Variants in GPR39 observed in about 807,000 individuals in gnomAD.
GPR39 encodes the protein G protein-coupled receptor 39.
In GPR39, 23 loss-of-function variants were observed where a neutral mutation model predicts 18.4. The ratio of observed to expected loss-of-function variants is 1.25; its 90% CI spans 0.90 to 1.77. GPR39 has a LOEUF of 1.77. GPR39 is among the 40% of genes most tolerant of loss of function. The pLI is 0.00. For synonymous variants in GPR39, 280 were observed against 257.9 expected, an observed-to-expected ratio of 1.09 and a Z score of -0.82; for missense variants, 647 against 602.4, an observed-to-expected ratio of 1.07 and a Z score of -0.78.
At chr2:132,490,355 C>CT (rs901950072) in intron 1 of GPR39, among the ~76,000 whole-genome samples, 1 of 151,896 alleles carries the variant, frequency 6.6e-6, no homozygotes, top group African/African-American at 2.4e-5. Flanking sequence ...ATCCAGTTTT[C>CT]TTTTTTTCAG....
At chr2:132,524,856 C>T (rs898207103) in intron 1 of GPR39, among the ~76,000 whole-genome samples, 2 of 152,164 alleles carry the variant, frequency 1.3e-5, no homozygotes, top group Non-Finnish European at 2.9e-5. Flanking sequence ...TTATTATTTT[C>T]TAGTGAAGTT....
chr2:132,484,206 A>G (rs990160133), intron 1 of GPR39, among the ~76,000 whole-genome samples: 1 of 152,220 alleles, frequency 6.6e-6, no homozygotes, highest in African/African-American at 2.4e-5. Flanking sequence ...CCAGTGTTCT[A>G]ATGAGCATGC....
At chr2:132,618,995 T>C (rs991361744) in intron 1 of GPR39, among the ~76,000 whole-genome samples, 2 of 152,122 alleles carry the variant, frequency 1.3e-5, no homozygotes, top group South Asian at 2.1e-4. Context: ...GCAGGCCTGG[T>C]AACCCCGAGG....
chr2:132,523,116 G>A (rs974781318), intron 1 of GPR39, among the ~76,000 whole-genome samples: 1 of 152,210 alleles, frequency 6.6e-6, no homozygotes, highest in African/African-American at 2.4e-5. Flanking sequence ...GGTGCTGGAG[G>A]CAGCCTGCCA....
intron 1 of GPR39, among the ~76,000 whole-genome samples, chr2:132,565,134 T>C (rs531185374): frequency 2.0e-5 from 3 of 152,242 alleles, no homozygotes; most frequent in African/African-American, 7.2e-5. Context: ...TAACTATTGA[T>C]GCCATAATTG....
At chr2:132,590,004 C>T (rs1680800052) in intron 1 of GPR39, among the ~76,000 whole-genome samples, 1 of 152,180 alleles carries the variant, frequency 6.6e-6, no homozygotes, top group African/African-American at 2.4e-5. Context: ...TTCATTTGAA[C>T]AAAAACATGC....
At chr2:132,574,681 G>T (rs1245875972) in intron 1 of GPR39, among the ~76,000 whole-genome samples, 2 of 152,198 alleles carry the variant, frequency 1.3e-5, no homozygotes, top group Admixed American at 1.3e-4. Context: ...GTTGCAGCGA[G>T]CCAAGATCTT....
At chr2:132,517,076 T>A (rs1046812906) in intron 1 of GPR39, among the ~76,000 whole-genome samples, 2 of 152,072 alleles carry the variant, frequency 1.3e-5, no homozygotes, top group African/African-American at 4.8e-5. Flanking sequence ...AAGCGGACAC[T>A]CTTCAGGTTT....
intron 1 of GPR39, among the ~76,000 whole-genome samples, chr2:132,424,018 T>A (rs1680067560): frequency 1.3e-5 from 2 of 152,180 alleles, no homozygotes; most frequent in Admixed American, 1.3e-4. Flanking sequence ...ATGCTATCTT[T>A]GAAAGGGTTA....
intron 1 of GPR39, among the ~76,000 whole-genome samples, chr2:132,582,915 CTTTTTT>C (rs5834320): frequency 6.9e-5 from 7 of 101,598 alleles, no homozygotes; most frequent in Admixed American, 2.1e-4. Flanking sequence ...TTCTTTCTTT[CTTTTTT>C]TTTTTTTTTT....
intron 1 of GPR39, among the ~76,000 whole-genome samples, chr2:132,548,158 G>A (rs975466065): frequency 8.5e-5 from 13 of 152,154 alleles, no homozygotes; most frequent in African/African-American, 3.1e-4. Context: ...TTTCAAGGAT[G>A]TAATAGTCTG....
Position 132,417,066 on chromosome 2 carries a change from C to A in GPR39, c.24C>A (p.Gly8=), listed in dbSNP as rs1321152564. Residue 8 remains glycine, a synonymous_variant, in exon 1 of 2, where the codon GGC becomes GGA. Coordinates refer to ENST00000329321, the MANE Select transcript of GPR39 (RefSeq NM_001508.3). ...TCATGGCTTCACCCAGCCTCCCGGGCAGTGACTGCTCCCAAATCATTGATC... is the reference window on the plus strand; with the variant it reads ...TCATGGCTTCACCCAGCCTCCCGGGAAGTGACTGCTCCCAAATCATTGATC... MASPSLP[G]SDCSQIIDHS... is the part of the protein sequence containing the mutation. The A allele has an allele frequency of 1.2e-6, 2 of 1,613,904 alleles. No homozygotes were observed. Among genetic ancestry groups the A allele is most frequent in the Admixed American group, 3.3e-5 (2 of 60,006 alleles).
intron 1 of GPR39, among the ~76,000 whole-genome samples, chr2:132,470,337 G>A (rs1459885553): frequency 1.3e-5 from 2 of 152,086 alleles, no homozygotes; most frequent in African/African-American, 4.8e-5. Flanking sequence ...GGTGGGCCTC[G>A]ATGAGGTGAC....
chr2:132,582,002 G>C (rs1049041526), intron 1 of GPR39, among the ~76,000 whole-genome samples: 5 of 152,194 alleles, frequency 3.3e-5, no homozygotes, highest in African/African-American at 1.2e-4. Flanking sequence ...GGGAGACAAA[G>C]TGCTGATTGG....
intron 1 of GPR39, among the ~76,000 whole-genome samples, chr2:132,633,983 A>G (rs1274239361): frequency 6.7e-6 from 1 of 148,252 alleles, no homozygotes; most frequent in South Asian, 2.1e-4. Flanking sequence ...GAGTTGGTGT[A>G]GAGGTGGAGA....
intron 1 of GPR39, among the ~76,000 whole-genome samples, chr2:132,422,744 T>C (rs1035274538): frequency 6.6e-6 from 1 of 152,054 alleles, no homozygotes; most frequent in Non-Finnish European, 1.5e-5. Flanking sequence ...GCAAGTGTCC[T>C]GTGATCAGCC....
At chr2:132,549,084 T>C (rs934682524) in intron 1 of GPR39, among the ~76,000 whole-genome samples, 1 of 152,210 alleles carries the variant, frequency 6.6e-6, no homozygotes, top group Non-Finnish European at 1.5e-5. Context: ...TCCTTAATGG[T>C]GTGTCTAACA....
At chr2:132,587,975 G>T (rs919099887) in intron 1 of GPR39, among the ~76,000 whole-genome samples, 2 of 152,218 alleles carry the variant, frequency 1.3e-5, no homozygotes, top group African/African-American at 4.8e-5. Context: ...TAAGGTTCAT[G>T]AGTTTCATGG....
chr2:132,493,225 A>C (rs1681544305), intron 1 of GPR39, among the ~76,000 whole-genome samples: 1 of 145,198 alleles, frequency 6.9e-6, no homozygotes, highest in Admixed American at 6.9e-5. Flanking sequence ...TACACCATAT[A>C]TACACCATAT....
Sources: gnomAD v4.1 joint callset for allele counts (sites outside exome capture counted in the v4.1 genomes callset) on GRCh38, gnomAD v4.1.1 for gene constraint, MANE v1.5 for transcripts, NCBI Gene and HGNC (gene_info 2026-07-23, HGNC 2026-07-21) for gene names.